NBAS: variants seen among roughly 807,000 people sequenced by gnomAD.
The protein encoded by NBAS is NAG/BC035112 fusion.
Under a neutral mutation model 302.5 loss-of-function variants are expected in NBAS, and 219 were observed. The observed-to-expected ratio is 0.72, with a 90% confidence interval of 0.65 to 0.81. NBAS has a LOEUF of 0.81. Among genes scored for constraint, NBAS ranks in the 30% least tolerant of loss-of-function variants. The probability of loss-of-function intolerance (pLI) is 0.00; values close to 1 mark genes in which losing one functional copy is unlikely to be tolerated. For missense variants in NBAS, 2,932 were observed against 2,841.6 expected (o/e 1.03, Z -0.72); for synonymous variants, 1,118 against 1,021.6 (o/e 1.09, Z -1.80).
At chr2:15,148,271 G>C in the NBAS span, among the ~76,000 whole-genome samples, 9 of 152,292 alleles carry the variant, frequency 5.9e-5, no homozygotes, top group African/African-American at 1.9e-4. Context: ...AAGACCCAAA[G>C]GGTAGTCAGA....
chr2:15,076,327 T>C, the NBAS span, among the ~76,000 whole-genome samples: 1 of 152,364 alleles, frequency 6.6e-6, no homozygotes, highest in East Asian at 1.9e-4. Context: ...GAATAGGACC[T>C]AGTGTTTCTC....
the NBAS span, among the ~76,000 whole-genome samples, chr2:14,804,531 G>A: frequency 6.6e-6 from 1 of 152,174 alleles, no homozygotes; most frequent in African/African-American, 2.4e-5. Context: ...ATTTCAATTA[G>A]TTGGGAAAAA....
Position 15,327,755 on chromosome 2 carries a change from G to A in NBAS, c.4577C>T (p.Thr1526Ile). The change falls in exon 38 of 52, where the codon ACT (threonine) becomes ATT (isoleucine). Residue 1526 changes from threonine (T) to isoleucine (I), a missense_variant. Coordinates refer to ENST00000281513, the MANE Select transcript of NBAS (RefSeq NM_015909.4). ...ACTAGAACCTTCTCTCTTACCTTCA[G>A]TTGTTGGAAATACTTCTCCTTTATT... ...AKNKGEVFPTTEVLLQLASEA... is the reference protein window; with the variant it reads ...AKNKGEVFPTIEVLLQLASEA... 1 of 1,613,530 alleles carries A rather than the reference G, an allele frequency of 6.2e-7. No individual in the cohort carries two copies. Among genetic ancestry groups the A allele is most frequent in the South Asian group, 1.1e-5 (1 of 91,068 alleles).
At chr2:14,971,773 C>T in the NBAS span, among the ~76,000 whole-genome samples, 1 of 152,196 alleles carries the variant, frequency 6.6e-6, no homozygotes, top group African/African-American at 2.4e-5. Context: ...AACTTCACAT[C>T]TGAGTCTCAG....
the NBAS span, among the ~76,000 whole-genome samples, chr2:14,869,979 A>G: frequency 6.6e-6 from 1 of 152,192 alleles, no homozygotes; most frequent in African/African-American, 2.4e-5. Context: ...TTCTGACCAT[A>G]ATCAAGTAAC....
the NBAS span, among the ~76,000 whole-genome samples, chr2:15,146,781 A>C: frequency 2.0e-5 from 3 of 152,116 alleles, no homozygotes; most frequent in Non-Finnish European, 4.4e-5. Flanking sequence ...GGAGCCCCAC[A>C]TGGCAGGCAT....
intron 21 of NBAS, among the ~76,000 whole-genome samples, chr2:15,447,644 T>A (rs1678814290): frequency 6.6e-6 from 1 of 152,160 alleles, no homozygotes; most frequent in African/African-American, 2.4e-5. Context: ...AAAGTGAAAT[T>A]TAAAACCTCA....
intron 30 of NBAS, among the ~76,000 whole-genome samples, chr2:15,379,315 AT>A (rs1319358713): frequency 6.6e-6 from 1 of 151,398 alleles, no homozygotes; most frequent in Non-Finnish European, 1.5e-5. Context: ...CAGAACTTGA[AT>A]TTATAGGCTA....
At chr2:15,079,098 G>A in the NBAS span, among the ~76,000 whole-genome samples, 1 of 152,114 alleles carries the variant, frequency 6.6e-6, no homozygotes, top group Non-Finnish European at 1.5e-5. Flanking sequence ...CTGACTAGGT[G>A]ACCTCAGAAT....
intron 44 of NBAS, among the ~76,000 whole-genome samples, chr2:15,272,400 C>A (rs887247028): frequency 5.9e-5 from 9 of 152,228 alleles, no homozygotes; most frequent in African/African-American, 1.7e-4. Flanking sequence ...TTGGGCAAAT[C>A]CAGCTGCATT....
chr2:15,328,165 G>A (rs964725202), intron 37 of NBAS, 34 bp downstream of exon 37: 19 of 1,584,888 alleles, frequency 1.2e-5, no homozygotes, highest in Admixed American at 5.0e-5. Context: ...CAGCATGACA[G>A]TTAAATCTAT....
intron 47 of NBAS, among the ~76,000 whole-genome samples, chr2:15,222,269 C>A (rs952634444): frequency 1.3e-5 from 2 of 152,120 alleles, no homozygotes; most frequent in African/African-American, 4.8e-5. Flanking sequence ...CAGACTCAGG[C>A]ACTTTTGATG....
At position 15,417,590 on chromosome 2, in the gene NBAS, A is replaced by T; in HGVS notation, c.2700T>A (p.Thr900=). The T allele has an allele frequency of 6.2e-7, 1 of 1,613,996 alleles. No homozygotes were observed. Among genetic ancestry groups the T allele is most frequent in the East Asian group, 2.2e-5 (1 of 44,838 alleles). The change falls in exon 24 of 52, where the codon ACT becomes ACA. Residue 900 remains threonine, a synonymous_variant. Coordinates refer to ENST00000281513, the MANE Select transcript of NBAS (RefSeq NM_015909.4). ...TCTGCTGGAGTTCTTTCAGGGTTAG[A>T]GTTACATCACACCTGGCTTCATAAA... The part of the protein sequence containing the change: ...TLVYEARCDV[T]LTLKELQQMK...
intron 36 of NBAS, 90 bp from the exon 37 acceptor site, chr2:15,328,402 G>A: frequency 9.0e-7 from 1 of 1,105,718 alleles, no homozygotes; most frequent in East Asian, 2.4e-5. Context: ...AAGGGAGAGA[G>A]GGAGGAAGAA....
chr2:15,521,692 G>A (rs1175364687), intron 9 of NBAS, among the ~76,000 whole-genome samples: 2 of 152,118 alleles, frequency 1.3e-5, no homozygotes, highest in Non-Finnish European at 2.9e-5. Flanking sequence ...TCTAAGACAG[G>A]GTGTTTGGCT....
the NBAS span, among the ~76,000 whole-genome samples, chr2:14,872,731 G>A: frequency 3.2e-4 from 48 of 152,214 alleles, 1 homozygote; most frequent in Middle Eastern, 3.4e-3. Context: ...GCAGACCCTC[G>A]CAGTGAGTGT....
chr2:14,893,255 A>T, the NBAS span, among the ~76,000 whole-genome samples: 5 of 152,228 alleles, frequency 3.3e-5, no homozygotes, highest in African/African-American at 1.2e-4. Context: ...TTCCTTCATC[A>T]GATTTTTGAA....
chr2:15,449,389 A>C (rs942038177), intron 21 of NBAS, among the ~76,000 whole-genome samples: 2 of 152,212 alleles, frequency 1.3e-5, no homozygotes, highest in African/African-American at 4.8e-5. Flanking sequence ...TTAAAAACAA[A>C]TGTTCCATAG....
At chr2:15,545,423 C>G (rs554943095) in intron 6 of NBAS, among the ~76,000 whole-genome samples, 26 of 152,052 alleles carry the variant, frequency 1.7e-4, no homozygotes, top group Non-Finnish European at 2.5e-4. Flanking sequence ...TCTGGCCTGA[C>G]TGATTTAAGA....
Sources: gnomAD v4.1 joint callset for allele counts (sites outside exome capture counted in the v4.1 genomes callset) on GRCh38, gnomAD v4.1.1 for gene constraint, MANE v1.5 for transcripts, NCBI Gene and HGNC (gene_info 2026-07-23, HGNC 2026-07-21) for gene names.